EFEMP1: variants seen among roughly 807,000 people sequenced by gnomAD.
EFEMP1 encodes EGF-like fibulin extracellular matrix protein 1.
In EFEMP1, 18 loss-of-function variants were observed where a neutral mutation model predicts 65.7. The observed-to-expected ratio is 0.27, with a 90% CI of 0.19 to 0.41. The LOEUF (loss-of-function observed/expected upper bound fraction) is 0.41. EFEMP1 is among the 10% of genes least tolerant of loss of function. The probability of loss-of-function intolerance (pLI) is 1.00; values close to 1 mark genes in which losing one functional copy is unlikely to be tolerated. For synonymous variants in EFEMP1, 237 were observed against 219.7 expected, an observed-to-expected ratio of 1.08 and a Z score of -0.70; for missense variants, 469 against 624.8, an observed-to-expected ratio of 0.75 and a Z score of 2.66.
At chr2:55,902,257 A>G (rs1670066010) in intron 5 of EFEMP1, among the ~76,000 whole-genome samples, 1 of 152,256 alleles carries the variant, frequency 6.6e-6, no homozygotes, top group Non-Finnish European at 1.5e-5. Context: ...CTCAGGCAAG[A>G]CTCATGGCTT....
rs1451839293 is a variant in EFEMP1, at chr2:55,867,056, T to C, written c.*17A>G. On this transcript the variant is annotated 3_prime_UTR_variant, in exon 12 of 12. Transcript: ENST00000355426. This position sits in a 1 kb window ranked among gnomAD's most constrained non-coding sequence, Gnocchi z 4.3. Reference sequence around the variant, plus strand: ...CTTTGGCTGACTTAAATGCCTGTGGTTGACTCTTAGAAAAGACTAAAATGA... The same window carrying C: ...CTTTGGCTGACTTAAATGCCTGTGGCTGACTCTTAGAAAAGACTAAAATGA... 5.0e-6 allele frequency: 8 copies of C among 1,611,932 alleles called. No homozygotes were observed. The highest frequency in any genetic ancestry group is 4.5e-5 in the East Asian group (2 of 44,868).
chr2:55,904,898 T>C (rs1170970495), intron 5 of EFEMP1, among the ~76,000 whole-genome samples: 1 of 151,998 alleles, frequency 6.6e-6, no homozygotes, highest in African/African-American at 2.4e-5. Context: ...CTGGAGAACC[T>C]TGACTAAATA....
chr2:55,867,005 A>C lies in EFEMP1; in HGVS notation c.*68T>G. On this transcript the variant is annotated 3_prime_UTR_variant, in exon 12 of 12. Transcript: ENST00000355426. The surrounding 1 kb of genome is among the most constrained non-coding windows in gnomAD (Gnocchi z 4.3). ...GATGCACTAGATATATCTATAAATA[A>C]AATAGTGCTTTAAGGTAACAATATT... 1 of 1,589,646 alleles carries C rather than the reference A, an allele frequency of 6.3e-7. No individual in the cohort carries two copies. Among genetic ancestry groups the C allele is most frequent in the Non-Finnish European group, 8.6e-7 (1 of 1,160,158 alleles).
intron 5 of EFEMP1, among the ~76,000 whole-genome samples, chr2:55,909,630 C>G (rs916569353): frequency 6.6e-6 from 1 of 152,166 alleles, no homozygotes; most frequent in East Asian, 1.9e-4. Flanking sequence ...CCCAAATGCC[C>G]CATTCCAGCG....
chr2:55,904,417 G>T (rs1456334116), intron 5 of EFEMP1, among the ~76,000 whole-genome samples: 3 of 152,204 alleles, frequency 2.0e-5, no homozygotes, highest in African/African-American at 7.2e-5. Context: ...TGGGCTAAGG[G>T]ATGCCTAGAT....
Position 55,919,746 on chromosome 2 carries a change from T to G in EFEMP1, c.82-1479A>C, listed in dbSNP as rs1214286871. On this transcript the variant is annotated intron_variant, in intron 3 of 11. Transcript: ENST00000355426. This position sits in a 1 kb window ranked among gnomAD's most constrained non-coding sequence, Gnocchi z 4.5. Reference sequence around the variant, plus strand: ...GTCTGAAACTTACTGGAGCGAGAACTAAATTCACTTTGTCTCTCAGACTAA... The same window carrying G: ...GTCTGAAACTTACTGGAGCGAGAACGAAATTCACTTTGTCTCTCAGACTAA... 2.0e-5 allele frequency among the ~76,000 whole-genome samples: 3 copies of G among 152,236 alleles called. No homozygotes were observed. The highest frequency in any genetic ancestry group is 4.4e-5 in the Non-Finnish European group (3 of 68,032).
At chr2:55,868,281 T>C (rs940831106) in intron 11 of EFEMP1, among the ~76,000 whole-genome samples, 3 of 152,316 alleles carry the variant, frequency 2.0e-5, no homozygotes, top group African/African-American at 4.8e-5. Flanking sequence ...GCATCTGCTA[T>C]GTGCCAGGTA....
Position 55,921,321 on chromosome 2 carries a change from A to G in EFEMP1, c.81+1039T>C, listed in dbSNP as rs1670900371. Among the ~76,000 whole-genome samples, 1 of 152,342 alleles carries G rather than the reference A, an allele frequency of 6.6e-6. No homozygotes were observed. The highest frequency in any genetic ancestry group is 2.1e-4 in the South Asian group (1 of 4,828). ...ATTTATAGTGGATCTGAACAACAGAAAGGAACATTTGCCAGATGAATACTA... is the reference window on the plus strand; with the variant it reads ...ATTTATAGTGGATCTGAACAACAGAGAGGAACATTTGCCAGATGAATACTA... On this transcript the variant is annotated intron_variant, in intron 3 of 11. Coordinates refer to ENST00000355426, the MANE Select transcript of EFEMP1 (RefSeq NM_001039348.3). This position sits in a 1 kb window ranked among gnomAD's most constrained non-coding sequence, Gnocchi z 4.1.
chr2:55,917,827 C>T lies in EFEMP1; in HGVS notation c.355G>A (p.Val119Met). The change falls in exon 5 of 12, where the codon GTG (valine) becomes ATG (methionine). Residue 119 changes from valine to methionine, a missense_variant. Physicochemically the swap from Val to Met is conservative, Grantham distance 21 (BLOSUM62 1). Transcript: ENST00000355426. This position sits in a 1 kb window ranked among gnomAD's most constrained non-coding sequence, Gnocchi z 6.3. Reference protein sequence around the residue: ...TSGVLPGGGFVASAAAVAGPE... With the variant: ...TSGVLPGGGFMASAAAVAGPE... ...CCTGCGACTGCAGCAGCACTGGCCA[C>T]AAAACCACCCCCGGGCAACACTCCA... The T allele has an allele frequency of 6.2e-7, 1 of 1,614,248 alleles. No individual in the cohort carries two copies. Among genetic ancestry groups the T allele is most frequent in the Non-Finnish European group, 8.5e-7 (1 of 1,180,046 alleles).
In EFEMP1 at chr2:55,874,323, T is replaced by C. The variant is rs1005610796; in HGVS notation, c.1000+623A>G. Reference sequence around the variant, plus strand: ...GCAACATTGGAGGTAGGGTCCTTTTTTTTTTTAGATCTTCCTGAGAAACTC... The same window carrying C: ...GCAACATTGGAGGTAGGGTCCTTTTCTTTTTTAGATCTTCCTGAGAAACTC... On this transcript the variant is annotated intron_variant, in intron 9 of 11. Transcript: ENST00000355426. Among the ~76,000 whole-genome samples, 67 of 152,120 alleles carry C rather than the reference T, an allele frequency of 4.4e-4. 1 individual carries two copies. Among genetic ancestry groups the C allele is most frequent in the Non-Finnish European group, 4.4e-4 (30 of 67,948 alleles).
intron 5 of EFEMP1, among the ~76,000 whole-genome samples, chr2:55,898,320 C>G (rs1669907601): frequency 6.6e-6 from 1 of 152,166 alleles, no homozygotes; most frequent in Admixed American, 6.5e-5. Context: ...TACTTAGAGT[C>G]AAACTTGTTT....
chr2:55,873,600 A>G lies in EFEMP1; in HGVS notation c.1000+1346T>C, dbSNP rs989868765. ...TGTAATATGCATGTTGAAAGTCTCA[A>G]TTAGGGTTCAGTAAGTAAAATCATT... is the stretch of plus-strand genomic sequence containing the variant. On this transcript the variant is annotated intron_variant, in intron 9 of 11. Coordinates refer to ENST00000355426, the MANE Select transcript of EFEMP1 (RefSeq NM_001039348.3). The surrounding 1 kb of genome is among the most constrained non-coding windows in gnomAD (Gnocchi z 4.6). 7.2e-5 allele frequency among the ~76,000 whole-genome samples: 11 copies of G among 152,038 alleles called. No individual in the cohort carries two copies. The highest frequency in any genetic ancestry group is 2.7e-4 in the African/African-American group (11 of 41,420).
chr2:55,887,439 C>T (rs1034209393), intron 5 of EFEMP1, among the ~76,000 whole-genome samples: 2 of 152,160 alleles, frequency 1.3e-5, no homozygotes, highest in African/African-American at 4.8e-5. Flanking sequence ...TTTCCCTCCC[C>T]AGTTTTTAGC....
In EFEMP1 at chr2:55,867,148, T is replaced by C. The variant is rs1211330739; in HGVS notation, c.1407A>G (p.Thr469=). 7.4e-6 allele frequency: 12 copies of C among 1,613,840 alleles called. No homozygotes were observed. The Admixed American group carries it at 1.7e-4, about 22-fold the overall frequency. The change falls in exon 12 of 12, where the codon ACA becomes ACG. Residue 469 remains threonine, a synonymous_variant. Coordinates refer to ENST00000355426, the MANE Select transcript of EFEMP1 (RefSeq NM_001039348.3). The surrounding 1 kb of genome is among the most constrained non-coding windows in gnomAD (Gnocchi z 4.3). ...REHIVDLEML[T]VSSIGTFRTS... The stretch of plus-strand genomic sequence containing the variant: ...TGCGGAAGGTCCCTATACTGCTGAC[T>C]GTCAGCATCTCCAGGTCCACGATAT...
At chr2:55,908,204 T>G (rs1250941671) in intron 5 of EFEMP1, among the ~76,000 whole-genome samples, 1 of 152,216 alleles carries the variant, frequency 6.6e-6, no homozygotes, top group Admixed American at 6.5e-5. Context: ...GGATAATTTC[T>G]AGCCAGGGAA....
Position 55,870,592 on chromosome 2 carries a change from C to T in EFEMP1, c.1320+128G>A. The T allele has an allele frequency of 1.8e-6, 2 of 1,140,204 alleles. No homozygotes were observed. Among genetic ancestry groups the T allele is most frequent in the Middle Eastern group, 2.5e-4 (1 of 3,932 alleles). The allele number at this position is 1,140,204 out of a possible 1,614,324, so 70.6% of individuals were successfully genotyped here. A position where few individuals can be genotyped will look rare whatever the true frequency, so the allele number is the denominator to read the frequency against. On this transcript the variant is annotated intron_variant, in intron 11 of 11. Coordinates refer to ENST00000355426, the MANE Select transcript of EFEMP1 (RefSeq NM_001039348.3). The surrounding 1 kb of genome is among the most constrained non-coding windows in gnomAD (Gnocchi z 5.8). ...GTAGCTGGAAGGCCTTACACAATGC[C>T]TACACATAAGACACTTTAAATGTTT...
Position 55,877,185 on chromosome 2 carries a change from T to A in EFEMP1, c.761-443A>T, listed in dbSNP as rs1416293621. Among the ~76,000 whole-genome samples, 1 of 152,204 alleles carries A rather than the reference T, an allele frequency of 6.6e-6. No individual in the cohort carries two copies. Among genetic ancestry groups the A allele is most frequent in the Non-Finnish European group, 1.5e-5 (1 of 68,036 alleles). On this transcript the variant is annotated intron_variant, in intron 7 of 11. Coordinates refer to ENST00000355426, the MANE Select transcript of EFEMP1 (RefSeq NM_001039348.3). This position sits in a 1 kb window ranked among gnomAD's most constrained non-coding sequence, Gnocchi z 4.5. ...CTGAAGATTTATCTGTGCTATTTAT[T>A]ACTTTTTAAATGGGTTCTGTTAAAT... is the stretch of plus-strand genomic sequence containing the variant.
At chr2:55,905,070 C>A (rs1670201340) in intron 5 of EFEMP1, among the ~76,000 whole-genome samples, 1 of 146,216 alleles carries the variant, frequency 6.8e-6, no homozygotes. Context: ...TTAGGATCTC[C>A]AACTGCAAAG....
rs1185730312 is a variant in EFEMP1, at chr2:55,881,720, T to C, written c.532A>G (p.Thr178Ala). The part of the protein sequence containing the change: ...HNVCQDIDEC[T>A]AGTHNCRADQ... Reference sequence around the variant, plus strand: ...GCTCTACAGTTGTGCGTCCCTGCAGTGCACTCGTCTATGTCTGTCAGAGAC... The same window carrying C: ...GCTCTACAGTTGTGCGTCCCTGCAGCGCACTCGTCTATGTCTGTCAGAGAC... The change falls in exon 6 of 12, where the codon ACT (threonine) becomes GCT (alanine). Residue 178 changes from threonine to alanine, a missense_variant. By Grantham distance (58) the Thr-to-Ala change is moderately conservative. This residue lies in a region of EFEMP1 where 399 missense variants were observed against 528.2 expected (regional missense o/e 0.76). Transcript: ENST00000355426. 1.9e-6 allele frequency: 3 copies of C among 1,613,800 alleles called. No homozygotes were observed.
Sources: allele counts gnomAD v4.1 joint callset (sites outside exome capture counted in the v4.1 genomes callset), GRCh38; gene constraint gnomAD v4.1.1; regional missense constraint gnomAD v4.1.1; non-coding constraint Gnocchi (gnomAD v3.1); transcripts MANE v1.5; gene names NCBI Gene and HGNC (gene_info 2026-07-23, HGNC 2026-07-21).